The following RMC1 variants were observed in gnomAD, a reference collection of about 807,000 sequenced individuals.
RMC1 encodes the protein regulator of MON1-CCZ1 complex.
Under a neutral mutation model 95.5 loss-of-function variants are expected in RMC1, and 44 were observed. The observed-to-expected ratio is 0.46, with a 90% CI of 0.36 to 0.59. RMC1 has a LOEUF of 0.59. Ranked by LOEUF, RMC1 falls within the 20% of genes least tolerant of loss-of-function variation. RMC1 has a pLI of 0.00. For missense variants in RMC1, 705 were observed against 819.6 expected, an observed-to-expected ratio of 0.86 and a Z score of 1.71; for synonymous variants, 320 against 303.6, an observed-to-expected ratio of 1.05 and a Z score of -0.56.
At position 23,529,556 on chromosome 18, in the gene RMC1, T is replaced by G. The variant is rs527271295; in HGVS notation, c.1417-79T>G. On this transcript the variant is annotated intron_variant, in intron 15 of 19. Transcript: ENST00000269221. The stretch of plus-strand genomic sequence containing the variant: ...GGGCCATTTTAAGATGGAAACAAGG[T>G]GGGGGTTGGATAGAGAGTTATATGC... The G allele has an allele frequency of 1.1e-3, 1,471 of 1,354,494 alleles. 5 individuals are homozygous for G. Among genetic ancestry groups the G allele is most frequent in the Non-Finnish European group, 1.3e-3 (1,264 of 950,268 alleles). 83.9% of individuals were successfully genotyped at this position (1,354,494 alleles called of 1,614,324 possible).
chr18:23,523,572 A>C (rs1207155636), intron 10 of RMC1, among the ~76,000 whole-genome samples: 13 of 144,598 alleles, frequency 9.0e-5, no homozygotes. Flanking sequence ...AAAAAAAAGA[A>C]AAAAAGTTAG....
At chr18:23,527,589 C>CTT (rs71163615) in intron 13 of RMC1, among the ~76,000 whole-genome samples, 4,071 of 108,270 alleles carry the variant, frequency 0.038, 260 homozygotes, top group African/African-American at 0.13. Flanking sequence ...CCTGCTATAG[C>CTT]TTTTTTTTTT....
chr18:23,518,841 G>C (rs878952512), intron 7 of RMC1, 49 bp from the exon 8 acceptor site: 2 of 1,551,652 alleles, frequency 1.3e-6, no homozygotes, highest in South Asian at 2.2e-5. Context: ...TAGAACAAAG[G>C]AATTTTGAAT....
At chr18:23,504,298 G>C (rs960920775) in intron 1 of RMC1, 73 bp from the exon 2 acceptor site, 2 of 1,273,110 alleles carry the variant, frequency 1.6e-6, no homozygotes. Flanking sequence ...AGAAATAATC[G>C]CTTGCGGGTT....
intron 1 of RMC1, among the ~76,000 whole-genome samples, chr18:23,504,008 G>T (rs2057655039): frequency 6.6e-6 from 1 of 152,208 alleles, no homozygotes; most frequent in African/African-American, 2.4e-5. Context: ...TTCTTTTGTT[G>T]TGTTTGTCAT....
intron 5 of RMC1, among the ~76,000 whole-genome samples, chr18:23,510,477 G>C (rs1444012857): frequency 6.6e-6 from 1 of 151,976 alleles, no homozygotes; most frequent in African/African-American, 2.4e-5. Context: ...ACGAAACCCT[G>C]TCTCTATTAA....
chr18:23,521,626 G>A (rs1026490785), intron 10 of RMC1, among the ~76,000 whole-genome samples: 1 of 151,978 alleles, frequency 6.6e-6, no homozygotes. Context: ...TATTTGCTTC[G>A]TTTTGCCTTT....
chr18:23,504,310 G>T, intron 1 of RMC1, 61 bp from the exon 2 acceptor site: 1 of 1,435,482 alleles, frequency 7.0e-7, no homozygotes, highest in Non-Finnish European at 9.8e-7. Context: ...TTGCGGGTTG[G>T]CTTCTGAGTT....
At chr18:23,505,525 A>C (rs1408919177) in intron 2 of RMC1, among the ~76,000 whole-genome samples, 1 of 152,190 alleles carries the variant, frequency 6.6e-6, no homozygotes, top group Non-Finnish European at 1.5e-5. Context: ...TCTCCTATGA[A>C]ATTAGAGCTT....
At chr18:23,528,216 A>G (rs748147030) in intron 14 of RMC1, 8 of 198,636 alleles carry the variant, frequency 4.0e-5, no homozygotes, top group Admixed American at 1.1e-4. Flanking sequence ...CTGCTTTGCA[A>G]TATTTTGTAT....
chr18:23,528,078 G>A (rs978729996), intron 14 of RMC1, 177 bp downstream of exon 14: 3 of 550,508 alleles, frequency 5.4e-6, no homozygotes, highest in African/African-American at 3.9e-5. Context: ...GTAAATTCAG[G>A]GTCCCTGCAT....
chr18:23,528,042 C>A (rs1234343665), intron 14 of RMC1, 141 bp downstream of exon 14: 2 of 682,062 alleles, frequency 2.9e-6, no homozygotes, highest in Admixed American at 3.2e-5. Flanking sequence ...GGCAAGGTGG[C>A]AGTAGTGGGG....
chr18:23,520,255 C>G lies in RMC1; in HGVS notation c.903C>G (p.Thr301=), dbSNP rs775269615. ...GGGGAGAGTTTGACGGCTCCGTTAC[C>G]TTCCACCACCCCGTGCTTCCCGCTC... The part of the protein sequence containing the change: ...KLRGEFDGSV[T]FHHPVLPARS... Residue 301 remains threonine (T), a synonymous_variant, in exon 10 of 20, where the codon ACC becomes ACG. Coordinates refer to ENST00000269221, the MANE Select transcript of RMC1 (RefSeq NM_013326.5). 29 of 1,614,142 alleles carry G rather than the reference C, an allele frequency of 1.8e-5. No homozygotes were observed. Among genetic ancestry groups the G allele is most frequent in the Non-Finnish European group, 2.1e-5 (25 of 1,180,026 alleles).
chr18:23,504,668 C>A, intron 2 of RMC1: 1 of 441,280 alleles, frequency 2.3e-6, no homozygotes, highest in East Asian at 3.7e-5. Context: ...GAGCCAAATA[C>A]TTCAAAAGTG....
chr18:23,515,086 C>T (rs1449003242), intron 5 of RMC1, among the ~76,000 whole-genome samples: 1 of 152,090 alleles, frequency 6.6e-6, no homozygotes, highest in Non-Finnish European at 1.5e-5. Flanking sequence ...GGCAGATCTG[C>T]CATGGTCTGG....
chr18:23,522,596 T>C (rs2058172297), intron 10 of RMC1: 1 of 152,500 alleles, frequency 6.6e-6, no homozygotes, highest in East Asian at 1.9e-4. Context: ...TGGACACCCC[T>C]GGCTTAGAAC....
intron 16 of RMC1, 89 bp from the exon 17 acceptor site, chr18:23,529,939 G>T: frequency 8.0e-7 from 1 of 1,256,096 alleles, no homozygotes; most frequent in Non-Finnish European, 1.1e-6. Context: ...TTACTGTGTT[G>T]GTTAGAATAG....
intron 10 of RMC1, chr18:23,522,746 AG>A (rs1567926978): frequency 6.6e-6 from 1 of 152,334 alleles, no homozygotes; most frequent in Non-Finnish European, 1.5e-5. Flanking sequence ...GAATCCACTG[AG>A]GGTCTGGGGA....
chr18:23,527,668 A>C (rs75917336), intron 13 of RMC1, 127 bp from the exon 14 acceptor site: 1 of 343,862 alleles, frequency 2.9e-6, no homozygotes, highest in South Asian at 2.4e-5. Context: ...TTTAAAGTAG[A>C]GTGTCCTTTA....
Sources: allele counts gnomAD v4.1 joint callset (sites outside exome capture counted in the v4.1 genomes callset), GRCh38; gene constraint gnomAD v4.1.1; transcripts MANE v1.5; gene names NCBI Gene and HGNC (gene_info 2026-07-23, HGNC 2026-07-21).